The following MNAT1 variants were observed in gnomAD, a reference collection of about 807,000 sequenced individuals.
MNAT1 encodes MNAT1 component of CDK activating kinase, also known as CDK-activating kinase assembly factor MAT1.
A neutral mutation model predicts 42.0 loss-of-function variants in MNAT1; 43 were observed. The observed-to-expected ratio is 1.02, with a 90% CI of 0.80 to 1.32. MNAT1 has a LOEUF of 1.32. MNAT1 is among the 40% of genes most tolerant of loss of function. The pLI, the probability that MNAT1 is intolerant of heterozygous loss-of-function variation, is 0.00. For synonymous variants in MNAT1, 118 were observed against 120.0 expected, an observed-to-expected ratio of 0.98 and a Z score of 0.11; for missense variants, 306 against 350.4, an observed-to-expected ratio of 0.87 and a Z score of 1.01.
At chr14:60,783,992 T>G (rs1047776237) in intron 1 of MNAT1, among the ~76,000 whole-genome samples, 2 of 151,582 alleles carry the variant, frequency 1.3e-5, no homozygotes, top group African/African-American at 2.4e-5. Flanking sequence ...CCCAGCTAAT[T>G]TACTTTTATT....
chr14:60,943,804 T>A (rs1468224215), intron 7 of MNAT1, among the ~76,000 whole-genome samples: 2 of 152,206 alleles, frequency 1.3e-5, no homozygotes, highest in Admixed American at 6.6e-5. Flanking sequence ...GAAGGGAGAC[T>A]GTTAGCATGT....
At chr14:60,959,601 G>A (rs982733364) in intron 7 of MNAT1, among the ~76,000 whole-genome samples, 12 of 152,284 alleles carry the variant, frequency 7.9e-5, no homozygotes, top group African/African-American at 2.2e-4. Flanking sequence ...AAGGCAGAAT[G>A]AACTGTTTCT....
chr14:60,857,795 A>G (rs774310089), intron 6 of MNAT1, among the ~76,000 whole-genome samples: 20 of 146,054 alleles, frequency 1.4e-4, no homozygotes, highest in Non-Finnish European at 2.6e-4. Flanking sequence ...GCATTGTTCA[A>G]CTCTCACTTA....
chr14:60,845,732 T>C (rs953084157), intron 6 of MNAT1, among the ~76,000 whole-genome samples: 25 of 152,280 alleles, frequency 1.6e-4, no homozygotes, highest in African/African-American at 6.0e-4. Flanking sequence ...TTTCTGTTTC[T>C]GTATAGTTAT....
At chr14:60,861,320 G>T (rs2139434175) in intron 6 of MNAT1, among the ~76,000 whole-genome samples, 1 of 152,178 alleles carries the variant, frequency 6.6e-6, no homozygotes, top group African/African-American at 2.4e-5. Context: ...TGGATATAGG[G>T]AGACTGTATT....
chr14:60,765,736 C>T lies in MNAT1; in HGVS notation c.90-30481C>T, dbSNP rs532155006. Among the ~76,000 whole-genome samples the T allele has an allele frequency of 3.9e-5, 6 of 152,210 alleles. No homozygotes were observed. In the South Asian group the frequency reaches 1.0e-3, roughly 26 times the overall value. ...ATGATGGCTTCTATTTATGGTTAGA[C>T]TGAATATAAAAATCTTATACCTCTA... is the stretch of plus-strand genomic sequence containing the variant. On this transcript the variant is annotated intron_variant, in intron 1 of 7. Transcript: ENST00000261245.
At chr14:60,792,128 T>C (rs1487147299) in intron 1 of MNAT1, among the ~76,000 whole-genome samples, 1 of 152,186 alleles carries the variant, frequency 6.6e-6, no homozygotes, top group African/African-American at 2.4e-5. Flanking sequence ...TTTTCTAAAA[T>C]GCACCAGGTG....
At position 60,734,923 on chromosome 14, in the gene MNAT1, C is replaced by G. The variant is rs141089655; in HGVS notation, c.61C>G (p.Leu21Val). 46 of 1,614,030 alleles carry G rather than the reference C, an allele frequency of 2.9e-5. No homozygotes were observed. The highest frequency in any genetic ancestry group is 3.5e-5 in the Non-Finnish European group (41 of 1,180,040). The change falls in exon 1 of 8, where the codon CTG (leucine) becomes GTG (valine). Residue 21 changes from leucine to valine, a missense_variant. Physicochemically the swap from Leu to Val is conservative, Grantham distance 32 (BLOSUM62 1). Coordinates refer to ENST00000261245, the MANE Select transcript of MNAT1 (RefSeq NM_002431.4). This position sits in a 1 kb window ranked among gnomAD's most constrained non-coding sequence, Gnocchi z 4.3. ...TTKYRNPSLK[L>V]MVNVCGHTLC... ...CAAATATCGGAACCCCTCCTTGAAG[C>G]TGATGGTGAATGTGTGCGGACACAC...
chr14:60,869,021 T>TAC lies in MNAT1; in HGVS notation c.688-10691_688-10690dup, dbSNP rs1320096553. ...AACTTTTTTATATTGTGTTATTTTATACATATATATATATATATATTTTTT... is the reference window on the plus strand; with the variant it reads ...AACTTTTTTATATTGTGTTATTTTATACACATATATATATATATATATTTTTT... On this transcript the variant is annotated intron_variant, in intron 6 of 7. Transcript: ENST00000261245. Among the ~76,000 whole-genome samples the TAC allele has an allele frequency of 2.5e-4, 28 of 110,806 alleles. No homozygotes were observed. The East Asian group carries it at 8.3e-3, about 33-fold the overall frequency. 72.7% of individuals were successfully genotyped at this position (110,806 alleles called of 152,430 possible). A position where few individuals can be genotyped will look rare whatever the true frequency, so the allele number is the denominator to read the frequency against.
intron 1 of MNAT1, among the ~76,000 whole-genome samples, chr14:60,761,140 ATT>A (rs2140299827): frequency 1.3e-5 from 2 of 152,204 alleles, no homozygotes; most frequent in South Asian, 4.2e-4. Context: ...TATTTATTTA[ATT>A]TAGAGTGTGA....
intron 6 of MNAT1, among the ~76,000 whole-genome samples, chr14:60,857,603 C>G (rs1287153306): frequency 6.6e-6 from 1 of 152,002 alleles, no homozygotes; most frequent in Non-Finnish European, 1.5e-5. Context: ...ACTTTAAGTT[C>G]TGCGGTACAT....
intron 7 of MNAT1, among the ~76,000 whole-genome samples, chr14:60,920,931 C>A (rs934062649): frequency 1.3e-5 from 2 of 152,126 alleles, no homozygotes; most frequent in African/African-American, 4.8e-5. Context: ...AAATGTAAAA[C>A]ATGTTGGCTT....
intron 3 of MNAT1, among the ~76,000 whole-genome samples, chr14:60,803,519 G>A (rs2032274250): frequency 6.6e-6 from 1 of 152,084 alleles, no homozygotes; most frequent in East Asian, 1.9e-4. Context: ...AGTAAAGAAT[G>A]GAGCCAAATT....
At chr14:60,900,332 G>A (rs2139504388) in intron 7 of MNAT1, among the ~76,000 whole-genome samples, 1 of 152,318 alleles carries the variant, frequency 6.6e-6, no homozygotes, top group Non-Finnish European at 1.5e-5. Context: ...GAAATTAAAA[G>A]TGTTGCTCCA....
At chr14:60,817,882 G>T (rs923733300) in intron 5 of MNAT1, among the ~76,000 whole-genome samples, 2 of 151,848 alleles carry the variant, frequency 1.3e-5, no homozygotes, top group Non-Finnish European at 2.9e-5. Flanking sequence ...CTCTCTGCTT[G>T]TGTGTTTGTG....
intron 6 of MNAT1, among the ~76,000 whole-genome samples, chr14:60,841,554 ATATT>A (rs767024343): frequency 1.3e-5 from 2 of 152,078 alleles, no homozygotes; most frequent in Non-Finnish European, 2.9e-5. Context: ...CATGTGGAAT[ATATT>A]TATGCTAGCT....
chr14:60,905,060 G>A (rs2035166841), intron 7 of MNAT1, among the ~76,000 whole-genome samples: 1 of 137,012 alleles, frequency 7.3e-6, no homozygotes, highest in South Asian at 2.4e-4. Context: ...CTGTTCAGCA[G>A]TTCTTTTACT....
At position 60,845,993 on chromosome 14, in the gene MNAT1, C is replaced by T. The variant is rs2033672724; in HGVS notation, c.687+27146C>T. Among the ~76,000 whole-genome samples the T allele has an allele frequency of 1.3e-5, 2 of 152,004 alleles. 1 individual carries two copies. The highest frequency in any genetic ancestry group is 4.1e-4 in the South Asian group (2 of 4,822). ...TATTTGATGGAATTTACCAGTGAAC[C>T]ATCTGGTTTTGGCTTTTATTAATGA... is the stretch of plus-strand genomic sequence containing the variant. On this transcript the variant is annotated intron_variant, in intron 6 of 7. Transcript: ENST00000261245.
chr14:60,850,681 A>G (rs1445250063), intron 6 of MNAT1, among the ~76,000 whole-genome samples: 1 of 152,216 alleles, frequency 6.6e-6, no homozygotes, highest in Non-Finnish European at 1.5e-5. Flanking sequence ...TCAATCTTTG[A>G]GCAGCCTTCT....
Sources: gnomAD v4.1 joint callset for allele counts (sites outside exome capture counted in the v4.1 genomes callset) on GRCh38, gnomAD v4.1.1 for gene constraint, Gnocchi (gnomAD v3.1) non-coding constraint, MANE v1.5 for transcripts, NCBI Gene and HGNC (gene_info 2026-07-23, HGNC 2026-07-21) for gene names.